The following PGAM5 variants were observed in gnomAD, a reference collection of about 807,000 sequenced individuals.
The protein encoded by PGAM5 is PGAM family member 5, mitochondrial serine/threonine protein phosphatase.
Under a neutral mutation model 30.6 loss-of-function variants are expected in PGAM5, and 25 were observed. The ratio of observed to expected loss-of-function variants is 0.82; its 90% CI spans 0.60 to 1.14. The LOEUF is 1.14. Among genes scored for constraint, PGAM5 ranks in the 50% most tolerant of loss-of-function variants. The pLI, the probability that PGAM5 is intolerant of heterozygous loss-of-function variation, is 0.00. For missense variants in PGAM5, 384 were observed against 408.5 expected, an observed-to-expected ratio of 0.94 and a Z score of 0.52; for synonymous variants, 201 against 179.1, an observed-to-expected ratio of 1.12 and a Z score of -0.98.
In PGAM5 at chr12:132,717,512, GT is replaced by G; in HGVS notation, c.445del (p.Ser149LeufsTer2). ...TGAAGTTTAATAAAATCGTCCATTC[GT>G]CTATGACGCGCGCCATAGAGACCAC... ...GLKFNKIVHS[S>X]MTRAIETTDI... is the part of the protein sequence containing the mutation. On this transcript the variant is annotated frameshift_variant, in exon 3 of 6. Coordinates refer to ENST00000498926, the MANE Select transcript of PGAM5 (RefSeq NM_001170543.2). LOFTEE classifies it high-confidence loss of function. The G allele has an allele frequency of 6.2e-7, 1 of 1,610,966 alleles. No individual in the cohort carries two copies. Among genetic ancestry groups the G allele is most frequent in the Non-Finnish European group, 8.5e-7 (1 of 1,179,918 alleles).
intron 5 of PGAM5, chr12:132,718,909 C>T (rs1327467310): frequency 1.1e-5 from 17 of 1,588,190 alleles, no homozygotes; most frequent in South Asian, 4.5e-5. Flanking sequence ...AGCTGAGTCA[C>T]GTTGCTGCTC....
chr12:132,720,580 A>C (rs1267704911), intron 5 of PGAM5, 98 bp from the exon 6 acceptor site: 2 of 1,289,694 alleles, frequency 1.6e-6, no homozygotes, highest in Non-Finnish European at 2.1e-6. Context: ...TGCTGGGATT[A>C]CAGGTGTGAG....
At chr12:132,718,160 C>G in intron 5 of PGAM5, 40 bp downstream of exon 5, 1 of 1,609,650 alleles carries the variant, frequency 6.2e-7, no homozygotes, top group Non-Finnish European at 8.5e-7. Flanking sequence ...AAAATAATTT[C>G]AGACTTAGAG....
At chr12:132,713,608 ACT>A (rs1238274112) in intron 1 of PGAM5, among the ~76,000 whole-genome samples, 4 of 152,132 alleles carry the variant, frequency 2.6e-5, no homozygotes, top group Non-Finnish European at 5.9e-5. Flanking sequence ...CTTTTCCGCC[ACT>A]GTCTCAGCGA....
In PGAM5 at chr12:132,721,017, C is replaced by T; in HGVS notation, c.*189C>T. ...TTCTCTGCAGGGTTTTATACCTGACCATGAACCCCCAGGATGGCGTGGGGT... is the reference window on the plus strand; with the variant it reads ...TTCTCTGCAGGGTTTTATACCTGACTATGAACCCCCAGGATGGCGTGGGGT... On this transcript the variant is annotated 3_prime_UTR_variant, in exon 6 of 6. Transcript: ENST00000498926. 1 of 661,770 alleles carries T rather than the reference C, an allele frequency of 1.5e-6. No homozygotes were observed. Among genetic ancestry groups the T allele is most frequent in the Non-Finnish European group, 2.4e-6 (1 of 411,836 alleles). 41.0% of individuals were successfully genotyped at this position (661,770 alleles called of 1,614,324 possible).
intron 1 of PGAM5, among the ~76,000 whole-genome samples, chr12:132,713,552 GC>G (rs1470460126): frequency 1.3e-5 from 2 of 152,174 alleles, no homozygotes; most frequent in African/African-American, 4.8e-5. Context: ...GGTCGGCGTG[GC>G]CCAAACGGAG....
chr12:132,720,829 G>A lies in PGAM5; in HGVS notation c.*1G>A, dbSNP rs770681784. ...TCCCGACAAGATCACTCGATCCTGA[G>A]GGCTCCGGCCTCTCCTTCCCTCTGT... On this transcript the variant is annotated 3_prime_UTR_variant, in exon 6 of 6. Coordinates refer to ENST00000498926, the MANE Select transcript of PGAM5 (RefSeq NM_001170543.2). 3.3e-5 allele frequency: 51 copies of A among 1,535,938 alleles called. No homozygotes were observed. In the African/African-American group the frequency reaches 6.6e-4, roughly 20 times the overall value.
intron 2 of PGAM5, among the ~76,000 whole-genome samples, chr12:132,716,821 G>A (rs1272403499): frequency 2.0e-5 from 3 of 152,186 alleles, no homozygotes; most frequent in South Asian, 2.1e-4. Flanking sequence ...CACAGACGCC[G>A]CCCCCCAGTC....
chr12:132,720,645 A>T, intron 5 of PGAM5, 33 bp from the exon 6 acceptor site: 2 of 1,526,858 alleles, frequency 1.3e-6, no homozygotes, highest in Non-Finnish European at 1.8e-6. Flanking sequence ...CCTGGCTCTA[A>T]CGTGCTCTTT....
chr12:132,716,584 G>A (rs532184448), intron 2 of PGAM5, among the ~76,000 whole-genome samples: 2 of 152,108 alleles, frequency 1.3e-5, no homozygotes, highest in Admixed American at 6.6e-5. Context: ...ACAGGATCCC[G>A]CCTGTCCCCA....
At chr12:132,715,439 T>C (rs187004317) in intron 2 of PGAM5, among the ~76,000 whole-genome samples, 2,320 of 143,730 alleles carry the variant, frequency 0.016, 24 homozygotes, top group Non-Finnish European at 0.025. Context: ...GGTGCAGTGG[T>C]GGGCGCCTGT....
chr12:132,716,170 T>C (rs1034531586), intron 2 of PGAM5, among the ~76,000 whole-genome samples: 15 of 151,908 alleles, frequency 9.9e-5, no homozygotes, highest in Non-Finnish European at 5.9e-5. Flanking sequence ...GCTGCAACCT[T>C]TGCCTCCTGG....
At chr12:132,718,351 AC>A (rs1362387422) in intron 5 of PGAM5, among the ~76,000 whole-genome samples, 2 of 128,146 alleles carry the variant, frequency 1.6e-5, no homozygotes, top group Non-Finnish European at 3.3e-5. Flanking sequence ...ACAGGGAGGG[AC>A]CCCTGTGGTG....
Position 132,721,270 on chromosome 12 carries a change from C to T in PGAM5, c.*442C>T, listed in dbSNP as rs530610941. The T allele has an allele frequency of 1.2e-3, 188 of 153,898 alleles. 2 individuals are homozygous for T. The South Asian group carries it at 0.014, about 11-fold the overall frequency. The allele number at this position is 153,898 out of a possible 1,614,324, so 9.5% of individuals were successfully genotyped here. On this transcript the variant is annotated 3_prime_UTR_variant, in exon 6 of 6. Transcript: ENST00000498926. Reference sequence around the variant, plus strand: ...TACATCCTTTTAATTTCTTAAAACCCTCTTGTCCCTTAAATATTTGTCAAT... The same window carrying T: ...TACATCCTTTTAATTTCTTAAAACCTTCTTGTCCCTTAAATATTTGTCAAT...
chr12:132,717,869 C>A, intron 4 of PGAM5, 71 bp downstream of exon 4: 1 of 1,591,540 alleles, frequency 6.3e-7, no homozygotes. Context: ...GCTGGGCTCA[C>A]CATCCACCAC....
chr12:132,719,771 G>A (rs552097233), intron 5 of PGAM5, among the ~76,000 whole-genome samples: 85 of 152,368 alleles, frequency 5.6e-4, no homozygotes, highest in African/African-American at 1.4e-3. Context: ...GGGAAGCAGC[G>A]TGAGGGTGGC....
intron 4 of PGAM5, 85 bp from the exon 5 acceptor site, chr12:132,717,902 T>C: frequency 6.3e-7 from 1 of 1,599,740 alleles, no homozygotes; most frequent in Non-Finnish European, 8.5e-7. Flanking sequence ...CCCACGGGCT[T>C]CCCCGGGCGG....
chr12:132,719,270 A>G, intron 5 of PGAM5: 1 of 1,080,626 alleles, frequency 9.3e-7, no homozygotes, highest in Non-Finnish European at 1.1e-6. Context: ...ACAGGACGGC[A>G]CTGGTCAGTG....
At chr12:132,711,781 C>G (rs2043525560) in intron 1 of PGAM5, 1 of 147,832 alleles carries the variant, frequency 6.8e-6, no homozygotes, top group South Asian at 2.1e-4. Flanking sequence ...CAGAGCCTGT[C>G]TCAAAGGAAA....
Sources: gnomAD v4.1 joint callset for allele counts (sites outside exome capture counted in the v4.1 genomes callset) on GRCh38, gnomAD v4.1.1 for gene constraint, MANE v1.5 for transcripts, NCBI Gene and HGNC (gene_info 2026-07-23, HGNC 2026-07-21) for gene names.